MAPK10: variants seen among roughly 807,000 people sequenced by gnomAD.
MAPK10 encodes mitogen-activated protein kinase 10, also known as JNK3 alpha protein kinase.
In MAPK10, 25 loss-of-function variants were observed where a neutral mutation model predicts 59.3. That is an observed-to-expected ratio of 0.42 (90% CI 0.31 to 0.59). The LOEUF (loss-of-function observed/expected upper bound fraction) is 0.59, where lower values mean the gene tolerates loss of function less well. Among genes scored for constraint, MAPK10 ranks in the 20% least tolerant of loss-of-function variants. MAPK10 has a pLI of 0.15. For synonymous variants in MAPK10, 190 were observed against 200.5 expected (o/e 0.95, Z 0.44); for missense variants, 351 against 568.9 (o/e 0.62, Z 3.90).
intron 1 of MAPK10, among the ~76,000 whole-genome samples, chr4:86,540,651 A>T (rs1758615090): frequency 6.6e-6 from 1 of 152,240 alleles, no homozygotes; most frequent in Non-Finnish European, 1.5e-5. Flanking sequence ...GCAGTACTTA[A>T]TATATTCTTG....
intron 11 of MAPK10, among the ~76,000 whole-genome samples, chr4:86,062,972 CTA>C (rs889918386): frequency 1.3e-5 from 2 of 152,030 alleles, no homozygotes; most frequent in African/African-American, 4.8e-5. Context: ...AATAAAATGA[CTA>C]AAAATTAACT....
intron 4 of MAPK10, among the ~76,000 whole-genome samples, chr4:86,142,632 T>G (rs991575131): frequency 5.3e-5 from 8 of 152,182 alleles, no homozygotes; most frequent in Non-Finnish European, 8.8e-5. Context: ...ATCCATATAA[T>G]GCAGCTGGCT....
intron 2 of MAPK10, among the ~76,000 whole-genome samples, chr4:86,301,543 C>G (rs17408832): frequency 0.31 from 47,708 of 151,940 alleles, 7,783 homozygotes; most frequent in Non-Finnish European, 0.37. Context: ...ATCTATTATC[C>G]TCTTTAATGA....
chr4:86,144,239 T>C (rs933544237), intron 4 of MAPK10, among the ~76,000 whole-genome samples: 5 of 152,180 alleles, frequency 3.3e-5, no homozygotes, highest in African/African-American at 4.8e-5. Context: ...AACAATTGTT[T>C]TTATAATACA....
intron 1 of MAPK10, among the ~76,000 whole-genome samples, chr4:86,395,293 CAACT>C (rs2149012381): frequency 6.6e-6 from 1 of 152,280 alleles, no homozygotes; most frequent in Admixed American, 6.5e-5. Context: ...TATATTTGGA[CAACT>C]AACCAAAATT....
intron 2 of MAPK10, among the ~76,000 whole-genome samples, chr4:86,266,413 G>A (rs2094239300): frequency 6.6e-6 from 1 of 152,108 alleles, no homozygotes; most frequent in Admixed American, 6.5e-5. Flanking sequence ...GTATTGCTGT[G>A]AGGTTTGAAG....
intron 11 of MAPK10, among the ~76,000 whole-genome samples, chr4:86,057,419 T>G (rs1159566103): frequency 6.7e-6 from 1 of 150,074 alleles, no homozygotes; most frequent in Admixed American, 6.6e-5. Context: ...GGATTTCAGA[T>G]TCTACAGTCA....
chr4:86,178,328 G>C (rs572927303), intron 3 of MAPK10, among the ~76,000 whole-genome samples: 23 of 151,928 alleles, frequency 1.5e-4, no homozygotes, highest in Non-Finnish European at 2.4e-4. Context: ...AGGGGTTTTG[G>C]TTGGTTGGAT....
At chr4:86,358,086 G>A (rs2148977721) in intron 1 of MAPK10, 1 of 985,336 alleles carries the variant, frequency 1.0e-6, no homozygotes. Flanking sequence ...CATACCAGAG[G>A]CAGCCAAACC....
At chr4:86,101,812 G>T in intron 7 of MAPK10, 82 bp downstream of exon 7, 1 of 1,401,748 alleles carries the variant, frequency 7.1e-7, no homozygotes, top group Non-Finnish European at 1.0e-6. Flanking sequence ...TTTGACCAAT[G>T]CCCCCCGTAT....
At chr4:86,140,164 A>C (rs9760243) in intron 4 of MAPK10, among the ~76,000 whole-genome samples, 15,215 of 123,228 alleles carry the variant, frequency 0.12, 953 homozygotes, top group African/African-American at 0.16. Flanking sequence ...ACCATTTGAC[A>C]CAGCCATCCC....
At chr4:86,277,096 G>C (rs573675974) in intron 2 of MAPK10, 3 of 151,536 alleles carry the variant, frequency 2.0e-5, no homozygotes, top group Non-Finnish European at 4.4e-5. Flanking sequence ...AAATATGTTG[G>C]ATCCTGCTCA....
intron 1 of MAPK10, among the ~76,000 whole-genome samples, chr4:86,412,627 C>A (rs1745334317): frequency 2.0e-5 from 3 of 152,068 alleles, no homozygotes; most frequent in Admixed American, 1.3e-4. Flanking sequence ...CTAATCTTGT[C>A]TTCTCACTTT....
intron 1 of MAPK10, among the ~76,000 whole-genome samples, chr4:86,495,708 C>T (rs1487736755): frequency 6.6e-6 from 1 of 152,082 alleles, no homozygotes; most frequent in Non-Finnish European, 1.5e-5. Flanking sequence ...CCATTTTCCT[C>T]TCCCTTTTTC....
intron 2 of MAPK10, among the ~76,000 whole-genome samples, chr4:86,300,350 A>G (rs965213326): frequency 6.6e-6 from 1 of 152,198 alleles, no homozygotes; most frequent in African/African-American, 2.4e-5. Flanking sequence ...TGACTATCCA[A>G]TGCTGTGCAA....
Position 86,101,146 on chromosome 4 carries a change from C to T in MAPK10, c.636G>A (p.Arg212=). Residue 212 remains arginine (R), a synonymous_variant, in exon 8 of 14, where the codon AGG becomes AGA. Coordinates refer to ENST00000641462, the MANE Select transcript of MAPK10 (RefSeq NM_138982.4). Reference sequence around the variant, plus strand: ...TCATCATGAAGCTTGTGCCTGCTGTCCTGGCCAGTCCAAAGTCCAGGATTT... The same window carrying T: ...TCATCATGAAGCTTGTGCCTGCTGTTCTGGCCAGTCCAAAGTCCAGGATTT... The part of the protein sequence containing the change: ...TLKILDFGLA[R]TAGTSFMMTP... 4 of 1,613,916 alleles carry T rather than the reference C, an allele frequency of 2.5e-6. No individual in the cohort carries two copies. The highest frequency in any genetic ancestry group is 3.4e-6 in the Non-Finnish European group (4 of 1,179,882).
chr4:86,068,278 T>A (rs896801011), intron 9 of MAPK10, among the ~76,000 whole-genome samples: 2 of 152,184 alleles, frequency 1.3e-5, no homozygotes, highest in South Asian at 4.1e-4. Flanking sequence ...TAAACTTCTA[T>A]ATAAATCATG....
chr4:86,223,759 C>A (rs1406031137), intron 2 of MAPK10, among the ~76,000 whole-genome samples: 4 of 152,168 alleles, frequency 2.6e-5, no homozygotes, highest in Non-Finnish European at 5.9e-5. Context: ...ATCACACAAG[C>A]CCTGGCCAAT....
intron 6 of MAPK10, 106 bp from the exon 7 acceptor site, chr4:86,102,138 G>C (rs2055534549): frequency 1.0e-6 from 1 of 990,942 alleles, no homozygotes; most frequent in Non-Finnish European, 1.6e-6. Flanking sequence ...GAACTTCTTA[G>C]CTCTGCCTTT....
Sources: gnomAD v4.1 joint callset for allele counts (sites outside exome capture counted in the v4.1 genomes callset) on GRCh38, gnomAD v4.1.1 for gene constraint, MANE v1.5 for transcripts, NCBI Gene and HGNC (gene_info 2026-07-23, HGNC 2026-07-21) for gene names.